The following CUX1 variants were observed in gnomAD, a reference collection of about 807,000 sequenced individuals.
The protein encoded by CUX1 is protein CASP.
Under a neutral mutation model 158.8 loss-of-function variants are expected in CUX1, and 31 were observed. The observed-to-expected ratio is 0.20, with a 90% CI of 0.15 to 0.26. The LOEUF is 0.26. Ranked by LOEUF, CUX1 falls within the 10% of genes least tolerant of loss-of-function variation. The pLI, the probability that CUX1 is intolerant of heterozygous loss-of-function variation, is 1.00. For missense variants in CUX1, 1,589 were observed against 2,014.6 expected, an observed-to-expected ratio of 0.79 and a Z score of 4.04; for synonymous variants, 879 against 862.1, an observed-to-expected ratio of 1.02 and a Z score of -0.34.
chr7:101,970,700 C>T (rs552629522), intron 2 of CUX1, among the ~76,000 whole-genome samples: 19 of 152,222 alleles, frequency 1.2e-4, no homozygotes, highest in Admixed American at 6.5e-4. Flanking sequence ...GGATTACAGG[C>T]GCGTACGACC....
intron 8 of CUX1, among the ~76,000 whole-genome samples, chr7:102,116,639 G>C (rs1554491858): frequency 6.6e-6 from 1 of 151,808 alleles, no homozygotes; most frequent in Non-Finnish European, 1.5e-5. Flanking sequence ...GCAAGACCCT[G>C]CCCCTAAAAA....
chr7:102,070,756 C>T (rs1443424948), intron 4 of CUX1, among the ~76,000 whole-genome samples: 1 of 152,080 alleles, frequency 6.6e-6, no homozygotes, highest in Non-Finnish European at 1.5e-5. Context: ...GGAAGTCCCT[C>T]ATATTGCCCA....
intron 6 of CUX1, among the ~76,000 whole-genome samples, chr7:102,106,517 C>T (rs1188174045): frequency 1.3e-5 from 2 of 152,146 alleles, no homozygotes; most frequent in African/African-American, 4.8e-5. Context: ...ATAAAACATG[C>T]CCACCAGTGT....
rs1554537981 is a variant in CUX1, at chr7:102,248,642, C to T, written c.4118C>T (p.Thr1373Met). 5.8e-6 allele frequency: 8 copies of T among 1,384,060 alleles called. No individual in the cohort carries two copies. Among genetic ancestry groups the T allele is most frequent in the Non-Finnish European group, 5.6e-6 (6 of 1,072,634 alleles). 85.7% of individuals were successfully genotyped at this position (1,384,060 alleles called of 1,614,324 possible). A position where few individuals can be genotyped will look rare whatever the true frequency, so the allele number is the denominator to read the frequency against. Reference sequence around the variant, plus strand: ...GAGGTGCCGCGGCCGGCGGAGCAGACGGAGCCGCCGCCCTCGGGGACCCCG... The same window carrying T: ...GAGGTGCCGCGGCCGGCGGAGCAGATGGAGCCGCCGCCCTCGGGGACCCCG... Reference protein sequence around the residue: ...REEVPRPAEQTEPPPSGTPGP... With the variant: ...REEVPRPAEQMEPPPSGTPGP... The change falls in exon 24 of 24, where the codon ACG becomes ATG. Residue 1373 changes from threonine to methionine, a missense_variant. Thr to Met is a moderately conservative substitution (Grantham distance 81, BLOSUM62 -1). Around this residue, in one of 8 missense-constraint regions of CUX1, gnomAD observed 344 missense variants for 323.7 expected, o/e 1.06. Transcript: ENST00000292535. The surrounding 1 kb of genome is among the most constrained non-coding windows in gnomAD (Gnocchi z 5.8).
chr7:102,063,445 A>G (rs1212015289), intron 3 of CUX1, among the ~76,000 whole-genome samples: 1 of 141,688 alleles, frequency 7.1e-6, no homozygotes, highest in East Asian at 2.1e-4. Flanking sequence ...CTGAAGTGCA[A>G]TGGCACGATC....
At chr7:102,132,514 G>A (rs1286687285) in intron 8 of CUX1, among the ~76,000 whole-genome samples, 2 of 150,840 alleles carry the variant, frequency 1.3e-5, no homozygotes, top group African/African-American at 2.4e-5. Context: ...TCCTCTGCCC[G>A]ACCATACCTG....
At chr7:102,154,488 A>T (rs1186686111) in intron 8 of CUX1, 1 of 150,476 alleles carries the variant, frequency 6.6e-6, no homozygotes, top group African/African-American at 2.4e-5. Flanking sequence ...AGGCATGGTG[A>T]CATGCGCCTG....
At chr7:101,824,335 C>G (rs1221667959) in intron 1 of CUX1, 2 of 152,292 alleles carry the variant, frequency 1.3e-5, no homozygotes, top group African/African-American at 4.8e-5. Context: ...GCAATCCACC[C>G]CCTTCGGCCT....
At chr7:102,020,031 C>T (rs907770265) in intron 2 of CUX1, among the ~76,000 whole-genome samples, 3 of 152,098 alleles carry the variant, frequency 2.0e-5, no homozygotes, top group Admixed American at 2.0e-4. Flanking sequence ...GTGGCCTATA[C>T]ACTGTAAAAA....
At chr7:101,844,678 C>T (rs1795505227) in intron 1 of CUX1, among the ~76,000 whole-genome samples, 1 of 152,104 alleles carries the variant, frequency 6.6e-6, no homozygotes, top group African/African-American at 2.4e-5. Flanking sequence ...TGCAGCAGCA[C>T]GATCTTGGCT....
chr7:101,900,783 T>G (rs1802060822), intron 1 of CUX1, among the ~76,000 whole-genome samples: 1 of 152,096 alleles, frequency 6.6e-6, no homozygotes, highest in South Asian at 2.1e-4. Flanking sequence ...CCTGACAGTT[T>G]CAAAATGAAG....
downstream of CUX1, among the ~76,000 whole-genome samples, chr7:102,259,232 C>A (rs1412219845): frequency 6.6e-6 from 1 of 152,132 alleles, no homozygotes; most frequent in African/African-American, 2.4e-5. Context: ...CACTTAGGGC[C>A]GGGGGTGTCT....
At chr7:101,860,567 G>A (rs570642432) in intron 1 of CUX1, among the ~76,000 whole-genome samples, 90 of 152,262 alleles carry the variant, frequency 5.9e-4, no homozygotes, top group African/African-American at 1.9e-3. Flanking sequence ...GCCATCACCT[G>A]TCCCAGGGCC....
intron 1 of CUX1, among the ~76,000 whole-genome samples, chr7:101,830,877 A>G (rs1382912797): frequency 6.6e-6 from 1 of 152,224 alleles, no homozygotes; most frequent in East Asian, 1.9e-4. Flanking sequence ...AACACAGCAC[A>G]TTCGAGTGAA....
At position 102,278,811 on chromosome 7, in the gene CUX1, C is replaced by T. The variant is rs560476448; in HGVS notation, c.1680+746C>T. Among the ~76,000 whole-genome samples the T allele has an allele frequency of 1.8e-3, 269 of 151,542 alleles. 1 individual carries two copies. The highest frequency in any genetic ancestry group is 5.9e-3 in the African/African-American group (245 of 41,360). On this transcript the variant is annotated intron_variant, in intron 18 of 22. Transcript: ENST00000292538. ...TGGCTCATGCCTGTAATCCCAGCAC[C>T]GTGAGAGGCCGAGGCGGGTGGAGTT...
At chr7:102,082,048 C>T (rs535772867) in intron 4 of CUX1, among the ~76,000 whole-genome samples, 2 of 146,876 alleles carry the variant, frequency 1.4e-5, no homozygotes, top group East Asian at 1.9e-4. Flanking sequence ...AGTGAGCCAG[C>T]AGCCTCCAGA....
chr7:102,008,290 C>T (rs1466314528), intron 2 of CUX1, among the ~76,000 whole-genome samples: 2 of 152,090 alleles, frequency 1.3e-5, no homozygotes, highest in Admixed American at 6.6e-5. Context: ...ATCAGCTTCA[C>T]CTTGTTTGTA....
intron 1 of CUX1, among the ~76,000 whole-genome samples, chr7:101,865,535 G>C (rs1462874521): frequency 2.6e-5 from 4 of 152,178 alleles, no homozygotes; most frequent in Non-Finnish European, 5.9e-5. Flanking sequence ...GTCTACTTTA[G>C]CGTATTGTTG....
chr7:102,197,282 G>A lies in CUX1; in HGVS notation c.1871G>A (p.Arg624His), dbSNP rs782762629. The A allele has an allele frequency of 6.2e-6, 10 of 1,613,612 alleles. No individual in the cohort carries two copies. Among genetic ancestry groups the A allele is most frequent in the South Asian group, 1.1e-5 (1 of 91,080 alleles). The change falls in exon 15 of 24, where the codon CGT (arginine) becomes CAT (histidine). Residue 624 changes from arginine (R) to histidine (H), a missense_variant. Physicochemically the swap from Arg to His is conservative, Grantham distance 29 (BLOSUM62 0). This residue lies in a region of CUX1 where 37 missense variants were observed against 124.9 expected (regional missense o/e 0.30). Coordinates refer to ENST00000292535, the MANE Select transcript of CUX1 (RefSeq NM_181552.4). ...LSDEQNILAL[R>H]SIQGRQRENP... ...GATGAGCAGAACATCCTGGCCCTCC[G>A]TAGCATCCAAGGCAGACAAAGAGGT...
Sources: allele counts gnomAD v4.1 joint callset (sites outside exome capture counted in the v4.1 genomes callset), GRCh38; gene constraint gnomAD v4.1.1; regional missense constraint gnomAD v4.1.1; non-coding constraint Gnocchi (gnomAD v3.1); transcripts MANE v1.5; gene names NCBI Gene and HGNC (gene_info 2026-07-23, HGNC 2026-07-21).